The following ENTPD1 variants were observed in gnomAD, a reference collection of about 807,000 sequenced individuals.
ENTPD1 encodes ATP diphosphohydrolase.
A neutral mutation model predicts 57.0 loss-of-function variants in ENTPD1; 33 were observed. The ratio of observed to expected loss-of-function variants is 0.58; its 90% confidence interval spans 0.44 to 0.77. ENTPD1 has a LOEUF of 0.77. Among genes scored for constraint, ENTPD1 ranks in the 30% least tolerant of loss-of-function variants. The probability of loss-of-function intolerance (pLI) is 0.00; values close to 1 mark genes in which losing one functional copy is unlikely to be tolerated. For missense variants in ENTPD1, 501 were observed against 603.4 expected (o/e 0.83, Z 1.78); for synonymous variants, 202 against 218.8 (o/e 0.92, Z 0.68).
Position 95,868,196 on chromosome 10 carries a change from G to A in ENTPD1, c.*1813G>A, listed in dbSNP as rs1208217999. 2.0e-6 allele frequency: 2 copies of A among 985,290 alleles called. No individual in the cohort carries two copies. Among genetic ancestry groups the A allele is most frequent in the African/African-American group, 1.7e-5 (1 of 57,222 alleles). The allele number at this position is 985,290 out of a possible 1,614,324, so 61.0% of individuals were successfully genotyped here. ...AGAGGTTAAGTCATTTGCCCAAATGGCTGAGCCAAAGCCTACCATGTACCT... is the reference window on the plus strand; with the variant it reads ...AGAGGTTAAGTCATTTGCCCAAATGACTGAGCCAAAGCCTACCATGTACCT... On this transcript the variant is annotated 3_prime_UTR_variant, in exon 10 of 10. Transcript: ENST00000371205.
chr10:95,756,075 G>A (rs2098022019), upstream of ENTPD1: 1 of 1,508,480 alleles, frequency 6.6e-7, no homozygotes, highest in Non-Finnish European at 8.8e-7. Flanking sequence ...CAGGGTTTGA[G>A]GTTCCTTCCG....
intron 1 of ENTPD1, among the ~76,000 whole-genome samples, chr10:95,767,814 A>G (rs920028019): frequency 1.1e-4 from 16 of 152,288 alleles, no homozygotes; most frequent in East Asian, 7.7e-4. Context: ...AGAAGTTGCT[A>G]TAGTTTGAAT....
At chr10:95,768,631 A>G (rs959455607) in intron 1 of ENTPD1, among the ~76,000 whole-genome samples, 4 of 151,448 alleles carry the variant, frequency 2.6e-5, no homozygotes, top group Non-Finnish European at 4.4e-5. Context: ...TTCCTTAACT[A>G]TCTCCCATAT....
At chr10:95,753,447 G>T (rs2098015285), upstream of ENTPD1, 1 of 152,136 alleles carries the variant, frequency 6.6e-6, no homozygotes, top group African/African-American at 2.4e-5. Flanking sequence ...TGAATTAGGG[G>T]TTAAAACTAT....
intron 1 of ENTPD1, among the ~76,000 whole-genome samples, chr10:95,716,973 C>T (rs1314111856): frequency 2.0e-5 from 3 of 152,216 alleles, no homozygotes; most frequent in Non-Finnish European, 4.4e-5. Context: ...TAAGGAGAGG[C>T]AGGGAAACTG....
chr10:95,788,515 G>C (rs1389783070), intron 1 of ENTPD1, among the ~76,000 whole-genome samples: 1 of 152,062 alleles, frequency 6.6e-6, no homozygotes, highest in African/African-American at 2.4e-5. Flanking sequence ...TACGTTGGAG[G>C]CTGAGGCAGG....
chr10:95,805,717 C>G (rs2098269313), intron 1 of ENTPD1, among the ~76,000 whole-genome samples: 1 of 152,192 alleles, frequency 6.6e-6, no homozygotes, highest in African/African-American at 2.4e-5. Flanking sequence ...GTTTGCTTGT[C>G]TGTAAAGGAT....
chr10:95,828,314 G>A (rs966878062), intron 2 of ENTPD1, among the ~76,000 whole-genome samples: 6 of 152,124 alleles, frequency 3.9e-5, no homozygotes, highest in Admixed American at 1.3e-4. Flanking sequence ...ACTGTCTCCC[G>A]TTACCCCCGT....
intron 1 of ENTPD1, among the ~76,000 whole-genome samples, chr10:95,722,576 C>T (rs938086818): frequency 2.7e-5 from 4 of 146,464 alleles, no homozygotes; most frequent in South Asian, 4.2e-4. Context: ...TATTCTCACT[C>T]ATAGGTGGGA....
At chr10:95,789,946 C>T (rs1425142254) in intron 1 of ENTPD1, among the ~76,000 whole-genome samples, 1 of 152,190 alleles carries the variant, frequency 6.6e-6, no homozygotes, top group Non-Finnish European at 1.5e-5. Flanking sequence ...AAAGTGATCT[C>T]TAATGGTTCT....
At chr10:95,796,252 G>A (rs2098225415) in intron 1 of ENTPD1, among the ~76,000 whole-genome samples, 1 of 152,140 alleles carries the variant, frequency 6.6e-6, no homozygotes, top group African/African-American at 2.4e-5. Flanking sequence ...TCATAGGGGA[G>A]ACTGACACAA....
At chr10:95,711,074 G>A (rs936556480), upstream of ENTPD1, among the ~76,000 whole-genome samples, 4 of 151,806 alleles carry the variant, frequency 2.6e-5, no homozygotes, top group Non-Finnish European at 5.9e-5. Flanking sequence ...ATTCTCCCCC[G>A]AGAAATGGAA....
intron 1 of ENTPD1, among the ~76,000 whole-genome samples, chr10:95,726,469 T>C (rs2097983768): frequency 6.6e-6 from 1 of 152,238 alleles, no homozygotes. Flanking sequence ...ATGCTGGTGA[T>C]AGATTCTGTT....
At chr10:95,702,100 GTAAT>G in the ENTPD1 span, among the ~76,000 whole-genome samples, 2 of 151,942 alleles carry the variant, frequency 1.3e-5, no homozygotes, top group Non-Finnish European at 2.9e-5. Flanking sequence ...AATCAGTAGA[GTAAT>G]TGATAAAACC....
chr10:95,792,551 G>T (rs1010233112), intron 1 of ENTPD1, among the ~76,000 whole-genome samples: 8 of 152,230 alleles, frequency 5.3e-5, no homozygotes, highest in African/African-American at 1.9e-4. Context: ...TTACTCTGTT[G>T]TAAGAATTAA....
Position 95,760,463 on chromosome 10 carries a change from TAC to T in ENTPD1, c.16+4210_16+4211del, listed in dbSNP as rs1418213884. On this transcript the variant is annotated intron_variant, in intron 1 of 9. Coordinates refer to ENST00000371205, the MANE Select transcript of ENTPD1 (RefSeq NM_001776.6). ...CATCTTGGAGATTTGAAGGCAGAAG[TAC>T]AGAGTTTATCCTTCACTATGGGTCG... Among the ~76,000 whole-genome samples the T allele has an allele frequency of 5.3e-5, 8 of 152,210 alleles. No individual in the cohort carries two copies. The East Asian group carries it at 1.5e-3, about 29-fold the overall frequency.
intron 1 of ENTPD1, among the ~76,000 whole-genome samples, chr10:95,732,116 C>T (rs1374733072): frequency 6.6e-6 from 1 of 152,030 alleles, no homozygotes; most frequent in Non-Finnish European, 1.5e-5. Flanking sequence ...GCAACAGAGG[C>T]ATGCTTCGAA....
chr10:95,731,399 C>T (rs572235872), intron 1 of ENTPD1, among the ~76,000 whole-genome samples: 9 of 152,252 alleles, frequency 5.9e-5, no homozygotes, highest in Non-Finnish European at 1.2e-4. Flanking sequence ...AAGATGTAGC[C>T]GACCCTCTGG....
At chr10:95,843,559 G>C (rs2098426811) in intron 4 of ENTPD1, among the ~76,000 whole-genome samples, 1 of 152,256 alleles carries the variant, frequency 6.6e-6, no homozygotes, top group Non-Finnish European at 1.5e-5. Context: ...CACCTGGGAA[G>C]TGGTGGAGCC....
Sources: allele counts gnomAD v4.1 joint callset (sites outside exome capture counted in the v4.1 genomes callset), GRCh38; gene constraint gnomAD v4.1.1; transcripts MANE v1.5; gene names NCBI Gene and HGNC (gene_info 2026-07-23, HGNC 2026-07-21).